Variants in PRKG1 observed in about 807,000 individuals in gnomAD.
PRKG1 encodes protein kinase cGMP-dependent 1, also known as cGMP-dependent protein kinase 1.
PRKG1 carries 35 observed loss-of-function variants against 88.1 expected under a neutral mutation model. That is an observed-to-expected ratio of 0.40 (90% CI 0.30 to 0.53). PRKG1 has a LOEUF of 0.53. Among genes scored for constraint, PRKG1 ranks in the 20% least tolerant of loss-of-function variants. The probability of loss-of-function intolerance (pLI) is 0.59; values close to 1 mark genes in which losing one functional copy is unlikely to be tolerated. For missense variants in PRKG1, 540 were observed against 839.8 expected (o/e 0.64, Z 4.41); for synonymous variants, 303 against 292.5 (o/e 1.04, Z -0.37).
At chr10:51,350,580 G>A (rs933754066) in intron 2 of PRKG1, among the ~76,000 whole-genome samples, 5 of 152,152 alleles carry the variant, frequency 3.3e-5, no homozygotes, top group Admixed American at 2.0e-4. Context: ...CTTAGCGAGA[G>A]AGATCAGATG....
chr10:52,272,289 T>C, intron 11 of PRKG1, 103 bp from the exon 12 acceptor site: 1 of 818,730 alleles, frequency 1.2e-6, no homozygotes, highest in Non-Finnish European at 1.9e-6. Context: ...TGACAAAATT[T>C]TGAGCTTGGC....
At chr10:51,652,121 G>A (rs1840053910) in intron 3 of PRKG1, among the ~76,000 whole-genome samples, 1 of 152,024 alleles carries the variant, frequency 6.6e-6, no homozygotes, top group East Asian at 1.9e-4. Context: ...ATCTTCTTCT[G>A]GAAAGAAAAG....
intron 4 of PRKG1, among the ~76,000 whole-genome samples, chr10:51,834,718 G>GAGA (rs1334444538): frequency 1.5e-5 from 2 of 136,354 alleles, no homozygotes; most frequent in African/African-American, 6.0e-5. Flanking sequence ...AAGAGAAAGA[G>GAGA]AAAGAAAAGA....
intron 5 of PRKG1, among the ~76,000 whole-genome samples, chr10:51,989,990 C>CT (rs1322231732): frequency 9.3e-5 from 14 of 150,848 alleles, no homozygotes; most frequent in East Asian, 7.8e-4. Flanking sequence ...TGAGTTAATA[C>CT]TTTTTTTTTA....
At chr10:51,082,077 G>A (rs2131851176) in intron 1 of PRKG1, among the ~76,000 whole-genome samples, 1 of 151,986 alleles carries the variant, frequency 6.6e-6, no homozygotes, top group African/African-American at 2.4e-5. Context: ...CTTTTTTTTA[G>A]GACAAAAACA....
At chr10:52,077,566 G>A (rs1165299840) in intron 7 of PRKG1, among the ~76,000 whole-genome samples, 1 of 152,024 alleles carries the variant, frequency 6.6e-6, no homozygotes, top group Non-Finnish European at 1.5e-5. Flanking sequence ...AAAAGTTTTC[G>A]AGTTGTACAT....
chr10:51,925,420 G>A (rs758952671), intron 5 of PRKG1, among the ~76,000 whole-genome samples: 13 of 152,140 alleles, frequency 8.5e-5, no homozygotes, highest in African/African-American at 1.2e-4. Flanking sequence ...AAGTGTCAAG[G>A]GGATTTCTTC....
intron 3 of PRKG1, among the ~76,000 whole-genome samples, chr10:51,771,461 C>A (rs1296356182): frequency 6.6e-6 from 1 of 152,160 alleles, no homozygotes; most frequent in East Asian, 1.9e-4. Context: ...ACTGCATTTT[C>A]ATGTTTTACT....
At chr10:51,208,168 G>C (rs1233565248) in intron 2 of PRKG1, among the ~76,000 whole-genome samples, 1 of 152,166 alleles carries the variant, frequency 6.6e-6, no homozygotes, top group Non-Finnish European at 1.5e-5. Context: ...TACAGTCTTT[G>C]TCCATTAAAA....
intron 2 of PRKG1, among the ~76,000 whole-genome samples, chr10:51,390,671 TCTTC>T (rs1837372128): frequency 6.6e-6 from 1 of 152,228 alleles, no homozygotes; most frequent in Non-Finnish European, 1.5e-5. Flanking sequence ...GGTTAAGGCT[TCTTC>T]CTTATAACAA....
intron 7 of PRKG1, among the ~76,000 whole-genome samples, chr10:52,078,632 AT>A (rs1256605436): frequency 6.6e-6 from 1 of 152,208 alleles, no homozygotes; most frequent in Non-Finnish European, 1.5e-5. Context: ...ATTGCTTCTC[AT>A]TTTAACTGCT....
At chr10:51,296,981 A>T (rs1053311241) in intron 2 of PRKG1, among the ~76,000 whole-genome samples, 3 of 152,084 alleles carry the variant, frequency 2.0e-5, no homozygotes, top group Admixed American at 6.6e-5. Context: ...GGGTTATTTC[A>T]TTCCTTTTGG....
chr10:52,045,931 A>T (rs1845853307), intron 5 of PRKG1, among the ~76,000 whole-genome samples: 1 of 151,992 alleles, frequency 6.6e-6, no homozygotes, highest in African/African-American at 2.4e-5. Flanking sequence ...CTTCCTTCCC[A>T]CAGTAGAGTG....
chr10:51,553,172 CTTGTT>C (rs1215488689), intron 3 of PRKG1, among the ~76,000 whole-genome samples: 1 of 151,614 alleles, frequency 6.6e-6, no homozygotes, highest in East Asian at 1.9e-4. Context: ...TGAGCCCTAA[CTTGTT>C]TTATCTTGGG....
chr10:52,130,575 T>C (rs976688032), intron 7 of PRKG1, among the ~76,000 whole-genome samples: 1 of 152,226 alleles, frequency 6.6e-6, no homozygotes, highest in Non-Finnish European at 1.5e-5. Context: ...CTAAATTTAG[T>C]ATTATATTTT....
At chr10:51,823,678 G>T (rs965223772) in intron 4 of PRKG1, among the ~76,000 whole-genome samples, 2 of 151,946 alleles carry the variant, frequency 1.3e-5, no homozygotes, top group Middle Eastern at 3.2e-3. Flanking sequence ...AAAGCCCAGT[G>T]TTAGCTATGC....
Position 52,280,910 on chromosome 10 carries a change from C to T in PRKG1, c.1525C>T (p.His509Tyr), listed in dbSNP as rs139646798. ...CAAGCCAGAAAATCTCATCCTAGAT[C>T]ACCGAGGTTATGCCAAACTGGTCAG... ...DLKPENLILD[H>Y]RGYAKLVDFG... Residue 509 changes from histidine to tyrosine, a missense_variant, in exon 13 of 18, where the codon CAC (histidine) becomes TAC (tyrosine). Around this residue, in one of 5 missense-constraint regions of PRKG1, gnomAD observed 97 missense variants for 210.6 expected, o/e 0.46. Coordinates refer to ENST00000373980, the MANE Select transcript of PRKG1 (RefSeq NM_006258.4). 1,397 of 1,613,346 alleles carry T rather than the reference C, an allele frequency of 8.7e-4. 14 individuals carry two copies. In the East Asian group the frequency reaches 0.017, roughly 20 times the overall value.
At chr10:51,067,270 G>A (rs868540524) in intron 1 of PRKG1, among the ~76,000 whole-genome samples, 1 of 146,612 alleles carries the variant, frequency 6.8e-6, no homozygotes, top group Non-Finnish European at 1.5e-5. Context: ...ATGTATGTGT[G>A]TATATATATA....
chr10:52,296,371 A>G lies in PRKG1; in HGVS notation c.*2471A>G, dbSNP rs1449269480. ...CATCTTTGTTCATTTCACCCATAGC[A>G]TTGCATTTGATGTCTGAAGTAATTA... On this transcript the variant is annotated 3_prime_UTR_variant, in exon 18 of 18. Transcript: ENST00000373980. The G allele has an allele frequency of 6.6e-6, 1 of 152,082 alleles. No homozygotes were observed. The highest frequency in any genetic ancestry group is 1.5e-5 in the Non-Finnish European group (1 of 67,946). 9.4% of individuals were successfully genotyped at this position (152,082 alleles called of 1,614,324 possible). A position where few individuals can be genotyped will look rare whatever the true frequency, so the allele number is the denominator to read the frequency against.
Sources: gnomAD v4.1 joint callset for allele counts (sites outside exome capture counted in the v4.1 genomes callset) on GRCh38, gnomAD v4.1.1 for gene constraint, gnomAD v4.1.1 regional missense constraint, MANE v1.5 for transcripts, NCBI Gene and HGNC (gene_info 2026-07-23, HGNC 2026-07-21) for gene names.